NEK10: variants seen among roughly 807,000 people sequenced by gnomAD.
The protein encoded by NEK10 is NIMA related kinase 10.
A neutral mutation model predicts 159.8 loss-of-function variants in NEK10; 122 were observed. The ratio of observed to expected loss-of-function variants is 0.76; its 90% CI spans 0.66 to 0.89. NEK10 has a LOEUF of 0.89. Ranked by LOEUF, NEK10 falls within the 40% of genes least tolerant of loss-of-function variation. NEK10 has a pLI of 0.00. For missense variants in NEK10, 1,342 were observed against 1,323.1 expected (o/e 1.01, Z -0.22); for synonymous variants, 466 against 457.1 (o/e 1.02, Z -0.25).
At chr3:27,212,059 G>C (rs1951055733) in intron 23 of NEK10, among the ~76,000 whole-genome samples, 1 of 152,170 alleles carries the variant, frequency 6.6e-6, no homozygotes, top group Non-Finnish European at 1.5e-5. Flanking sequence ...ATACCTTTGT[G>C]ACAGATATGC....
At position 27,261,809 on chromosome 3, in the gene NEK10, T is replaced by A. The variant is rs570604341; in HGVS notation, c.2015-5438A>T. Among the ~76,000 whole-genome samples, 34 of 152,290 alleles carry A rather than the reference T, an allele frequency of 2.2e-4. No homozygotes were observed. In the South Asian group the frequency reaches 6.8e-3, roughly 31 times the overall value. Reference sequence around the variant, plus strand: ...CTTTCTGTCTTGTTGATCTGTCTAATGTTGACAGTGGGGTGTTAACGTCTC... The same window carrying A: ...CTTTCTGTCTTGTTGATCTGTCTAAAGTTGACAGTGGGGTGTTAACGTCTC... On this transcript the variant is annotated intron_variant, in intron 22 of 35. Coordinates refer to ENST00000691995, the MANE Select transcript of NEK10 (RefSeq NM_001394966.1).
intron 3 of NEK10, among the ~76,000 whole-genome samples, chr3:27,348,667 T>C (rs1196828312): frequency 6.6e-6 from 1 of 152,112 alleles, no homozygotes; most frequent in Non-Finnish European, 1.5e-5. Flanking sequence ...CCTTCCTGGA[T>C]AGAGTTGTTC....
At chr3:27,350,781 AC>A (rs2047914626) in intron 3 of NEK10, among the ~76,000 whole-genome samples, 1 of 152,174 alleles carries the variant, frequency 6.6e-6, no homozygotes. Flanking sequence ...GAAAGGGCAC[AC>A]GAGAGATCCA....
Position 27,290,762 on chromosome 3 carries a change from A to G in NEK10, c.1606-8T>C, listed in dbSNP as rs2042940839. On this transcript the variant is annotated splice_polypyrimidine_tract_variant and splice_region_variant and intron_variant, in intron 18 of 35. Coordinates refer to ENST00000691995, the MANE Select transcript of NEK10 (RefSeq NM_001394966.1). Reference sequence around the variant, plus strand: ...ACCACTATGCTTTCTAACCTAAAATAAAGAAAAACACAACAACAACAAAAG... The same window carrying G: ...ACCACTATGCTTTCTAACCTAAAATGAAGAAAAACACAACAACAACAAAAG... The G allele has an allele frequency of 3.2e-6, 5 of 1,585,824 alleles. No homozygotes were observed. The African/African-American group carries it at 5.5e-5, about 17-fold the overall frequency.
intron 22 of NEK10, among the ~76,000 whole-genome samples, chr3:27,268,578 G>A (rs1276716533): frequency 6.6e-6 from 1 of 152,104 alleles, no homozygotes; most frequent in Non-Finnish European, 1.5e-5. Flanking sequence ...TTGCAGCATG[G>A]TTTACTGAAT....
intron 16 of NEK10, among the ~76,000 whole-genome samples, chr3:27,291,816 G>T (rs953881066): frequency 2.6e-5 from 4 of 151,782 alleles, no homozygotes; most frequent in African/African-American, 7.3e-5. Context: ...CTAATTTTTT[G>T]TATTTTTAGT....
chr3:27,251,195 T>C (rs1955626433), intron 23 of NEK10, among the ~76,000 whole-genome samples: 1 of 152,180 alleles, frequency 6.6e-6, no homozygotes, highest in Non-Finnish European at 1.5e-5. Context: ...CAATAGCCGA[T>C]CTAGAATTTA....
At chr3:27,246,806 C>G (rs1955115397) in intron 23 of NEK10, among the ~76,000 whole-genome samples, 1 of 152,022 alleles carries the variant, frequency 6.6e-6, no homozygotes, top group African/African-American at 2.4e-5. Context: ...ATTTTTAGTC[C>G]CATATTTCAC....
At position 27,352,539 on chromosome 3, in the gene NEK10, T is replaced by C. The variant is rs756061148; in HGVS notation, c.72-14A>G. 6.9e-6 allele frequency: 11 copies of C among 1,591,106 alleles called. No individual in the cohort carries two copies. Among genetic ancestry groups the C allele is most frequent in the Non-Finnish European group, 8.6e-6 (10 of 1,159,488 alleles). On this transcript the variant is annotated splice_polypyrimidine_tract_variant and intron_variant, in intron 2 of 35. Transcript: ENST00000691995. ...TCTGAATAGTCCCTAGGAGAGAGAA[T>C]AACACAATGTGAACCCACAGAAGGC... is the stretch of plus-strand genomic sequence containing the variant.
intron 26 of NEK10, among the ~76,000 whole-genome samples, chr3:27,177,782 C>T (rs1947667985): frequency 6.6e-6 from 1 of 152,088 alleles, no homozygotes; most frequent in African/African-American, 2.4e-5. Context: ...TGCACAATGC[C>T]TTACACATAG....
At chr3:27,267,967 C>A (rs546840202) in intron 22 of NEK10, among the ~76,000 whole-genome samples, 13 of 152,292 alleles carry the variant, frequency 8.5e-5, no homozygotes, top group Admixed American at 5.9e-4. Flanking sequence ...CACTTCTGAA[C>A]ACACAAATGA....
chr3:27,174,399 CG>C, intron 28 of NEK10, 39 bp downstream of exon 28: 1 of 1,607,344 alleles, frequency 6.2e-7, no homozygotes. Flanking sequence ...CACTGTCTTC[CG>C]GAATCCCACA....
At chr3:27,266,373 G>A (rs954695554) in intron 22 of NEK10, among the ~76,000 whole-genome samples, 1 of 151,806 alleles carries the variant, frequency 6.6e-6, no homozygotes, top group Non-Finnish European at 1.5e-5. Context: ...ACAATATGTA[G>A]GTTGAGGTTC....
intron 5 of NEK10, among the ~76,000 whole-genome samples, chr3:27,331,262 A>AAAAAAAAAAAAAACACAC: frequency 4.4e-4 from 48 of 110,130 alleles, no homozygotes; most frequent in African/African-American, 1.4e-3. Context: ...AAAAAAAAAA[A>AAAAAAAAAAAAAACACAC]ACACACAAAC....
At chr3:27,186,789 A>C (rs566427477) in intron 26 of NEK10, among the ~76,000 whole-genome samples, 1 of 152,286 alleles carries the variant, frequency 6.6e-6, no homozygotes, top group South Asian at 2.1e-4. Flanking sequence ...AAGAATAGAA[A>C]AGGATGAAGA....
intron 23 of NEK10, among the ~76,000 whole-genome samples, chr3:27,238,911 C>A (rs756851775): frequency 2.6e-5 from 4 of 151,984 alleles, no homozygotes; most frequent in Non-Finnish European, 5.9e-5. Context: ...TAAATACCCT[C>A]TAGAGGTTTC....
intron 31 of NEK10, among the ~76,000 whole-genome samples, chr3:27,136,165 T>C (rs1943184881): frequency 7.5e-6 from 1 of 133,976 alleles, no homozygotes; most frequent in Admixed American, 8.8e-5. Context: ...CAGGCTGGAG[T>C]GCAGTGGCGC....
At chr3:27,248,922 G>A (rs574933776) in intron 23 of NEK10, among the ~76,000 whole-genome samples, 1 of 152,158 alleles carries the variant, frequency 6.6e-6, no homozygotes, top group South Asian at 2.1e-4. Context: ...TTTTCTATCT[G>A]GGAGGTCTGT....
chr3:27,147,827 T>TAA (rs1456838780), intron 30 of NEK10, among the ~76,000 whole-genome samples: 1 of 152,200 alleles, frequency 6.6e-6, no homozygotes, highest in Non-Finnish European at 1.5e-5. Context: ...CTACCAGTCT[T>TAA]ACGCTTAATT....
Sources: allele counts gnomAD v4.1 joint callset (sites outside exome capture counted in the v4.1 genomes callset), GRCh38; gene constraint gnomAD v4.1.1; transcripts MANE v1.5; gene names NCBI Gene and HGNC (gene_info 2026-07-23, HGNC 2026-07-21).